Variants in S100A11 observed in about 807,000 individuals in gnomAD.
S100A11 encodes the protein S100 calcium binding protein A11.
Under a neutral mutation model 7.4 loss-of-function variants are expected in S100A11, and 5 were observed. That is an observed-to-expected ratio of 0.68 (90% CI 0.35 to 1.42). The LOEUF (loss-of-function observed/expected upper bound fraction) is 1.42, where lower values mean the gene tolerates loss of function less well. Among genes scored for constraint, S100A11 ranks in the 40% most tolerant of loss-of-function variants. S100A11 has a pLI of 0.04. For missense variants in S100A11, 96 were observed against 125.0 expected (o/e 0.77, Z 1.11); for synonymous variants, 47 against 46.6 (o/e 1.01, Z -0.04).
intron 1 of S100A11, among the ~76,000 whole-genome samples, chr1:152,036,313 G>A (rs1161598298): frequency 2.0e-5 from 3 of 152,198 alleles, no homozygotes; most frequent in Non-Finnish European, 2.9e-5. Context: ...AAAAGGAAGA[G>A]GAAGGAGGAG....
Position 152,033,476 on chromosome 1 carries a change from A to G in S100A11, c.156+172T>C, listed in dbSNP as rs529648791. Among the ~76,000 whole-genome samples, 9 of 152,336 alleles carry G rather than the reference A, an allele frequency of 5.9e-5. No homozygotes were observed. The highest frequency in any genetic ancestry group is 2.2e-4 in the African/African-American group (9 of 41,572). On this transcript the variant is annotated intron_variant, in intron 2 of 2. Coordinates refer to ENST00000271638, the MANE Select transcript of S100A11 (RefSeq NM_005620.2). This position sits in a 1 kb window ranked among gnomAD's most constrained non-coding sequence, Gnocchi z 4.0. ...TGAAAATAATTCCATTACGTCATATACCATTTCATATATCTCTCTTCCTAA... is the reference window on the plus strand; with the variant it reads ...TGAAAATAATTCCATTACGTCATATGCCATTTCATATATCTCTCTTCCTAA...
In S100A11 at chr1:152,033,552, G is replaced by C. The variant is rs1355384483; in HGVS notation, c.156+96C>G. 2 of 1,111,442 alleles carry C rather than the reference G, an allele frequency of 1.8e-6. No individual in the cohort carries two copies. The highest frequency in any genetic ancestry group is 2.7e-6 in the Non-Finnish European group (2 of 740,588). The allele number at this position is 1,111,442 out of a possible 1,614,324, so 68.8% of individuals were successfully genotyped here. A position where few individuals can be genotyped will look rare whatever the true frequency, so the allele number is the denominator to read the frequency against. ...AGTTAAAATGAAGCAAGAGTGTGGG[G>C]TGTCAGTTGCTGCTCCTTCATTCCT... On this transcript the variant is annotated intron_variant, in intron 2 of 2. Coordinates refer to ENST00000271638, the MANE Select transcript of S100A11 (RefSeq NM_005620.2). This position sits in a 1 kb window ranked among gnomAD's most constrained non-coding sequence, Gnocchi z 4.0.
At position 152,033,864 on chromosome 1, in the gene S100A11, A is replaced by G. The variant is rs1656785138; in HGVS notation, c.4-64T>C. On this transcript the variant is annotated intron_variant, in intron 1 of 2. Transcript: ENST00000271638. This position sits in a 1 kb window ranked among gnomAD's most constrained non-coding sequence, Gnocchi z 4.0. ...GATGTCAAGGCTGGATACTGGAGAAAACTCCAGGGACTCTTATTTCAGGTC... is the reference window on the plus strand; with the variant it reads ...GATGTCAAGGCTGGATACTGGAGAAGACTCCAGGGACTCTTATTTCAGGTC... 2.1e-6 allele frequency: 3 copies of G among 1,406,974 alleles called. No homozygotes were observed. Among genetic ancestry groups the G allele is most frequent in the Non-Finnish European group, 3.0e-6 (3 of 996,022 alleles). 87.2% of individuals were successfully genotyped at this position (1,406,974 alleles called of 1,614,324 possible).
chr1:152,032,838 A>C lies in S100A11; in HGVS notation c.157-15T>G. 2 of 1,586,602 alleles carry C rather than the reference A, an allele frequency of 1.3e-6. No individual in the cohort carries two copies. The highest frequency in any genetic ancestry group is 8.6e-7 in the Non-Finnish European group (1 of 1,161,876). On this transcript the variant is annotated splice_polypyrimidine_tract_variant and intron_variant, in intron 2 of 2. Transcript: ENST00000271638. Reference sequence around the variant, plus strand: ...TCCTTCTGGTTCTGCAGAGAAAATAATAATTACACCTTTATATCGCATCTT... The same window carrying C: ...TCCTTCTGGTTCTGCAGAGAAAATACTAATTACACCTTTATATCGCATCTT...
rs190618488 is a variant in S100A11, at chr1:152,032,508, C to G, written c.*154G>C. 3 of 584,092 alleles carry G rather than the reference C, an allele frequency of 5.1e-6. No individual in the cohort carries two copies. The highest frequency in any genetic ancestry group is 5.5e-5 in the East Asian group (2 of 36,588). 36.2% of individuals were successfully genotyped at this position (584,092 alleles called of 1,614,324 possible). Reference sequence around the variant, plus strand: ...GCACAAATTCACCAACTCTCTAGTTCATGTTTTAAAAAAGTGACATTGCTT... The same window carrying G: ...GCACAAATTCACCAACTCTCTAGTTGATGTTTTAAAAAAGTGACATTGCTT... On this transcript the variant is annotated 3_prime_UTR_variant, in exon 3 of 3. Transcript: ENST00000271638.
At position 152,033,543 on chromosome 1, in the gene S100A11, G is replaced by C; in HGVS notation, c.156+105C>G. On this transcript the variant is annotated intron_variant, in intron 2 of 2. Coordinates refer to ENST00000271638, the MANE Select transcript of S100A11 (RefSeq NM_005620.2). This position sits in a 1 kb window ranked among gnomAD's most constrained non-coding sequence, Gnocchi z 4.0. ...CTTAGAGTGAGTTAAAATGAAGCAA[G>C]AGTGTGGGGTGTCAGTTGCTGCTCC... The C allele has an allele frequency of 9.7e-7, 1 of 1,026,124 alleles. No homozygotes were observed. Among genetic ancestry groups the C allele is most frequent in the Non-Finnish European group, 1.5e-6 (1 of 669,860 alleles). 63.6% of individuals were successfully genotyped at this position (1,026,124 alleles called of 1,614,324 possible). A position where few individuals can be genotyped will look rare whatever the true frequency, so the allele number is the denominator to read the frequency against.
At chr1:152,036,784 G>C in intron 1 of S100A11, 129 bp downstream of exon 1, 3 of 844,316 alleles carry the variant, frequency 3.6e-6, no homozygotes, top group Non-Finnish European at 5.8e-6. Context: ...CCACGAGGCT[G>C]ATTTTTCCTG....
intron 1 of S100A11, among the ~76,000 whole-genome samples, chr1:152,036,418 T>C (rs1180847949): frequency 6.6e-6 from 1 of 152,194 alleles, no homozygotes; most frequent in Non-Finnish European, 1.5e-5. Flanking sequence ...GTCTTGGCCG[T>C]CTGCCGGGTG....
chr1:152,035,105 T>G (rs1656807954), intron 1 of S100A11, among the ~76,000 whole-genome samples: 1 of 152,202 alleles, frequency 6.6e-6, no homozygotes, highest in African/African-American at 2.4e-5. Flanking sequence ...TGTTGGAGGA[T>G]GATTGTTTTT....
chr1:152,033,894 C>A lies in S100A11; in HGVS notation c.4-94G>T. 1 of 1,146,018 alleles carries A rather than the reference C, an allele frequency of 8.7e-7. No homozygotes were observed. The highest frequency in any genetic ancestry group is 1.3e-6 in the Non-Finnish European group (1 of 777,466). The allele number at this position is 1,146,018 out of a possible 1,614,324, so 71.0% of individuals were successfully genotyped here. On this transcript the variant is annotated intron_variant, in intron 1 of 2. Coordinates refer to ENST00000271638, the MANE Select transcript of S100A11 (RefSeq NM_005620.2). The surrounding 1 kb of genome is among the most constrained non-coding windows in gnomAD (Gnocchi z 4.0). ...CAGGGACTCTTATTTCAGGTCAAAG[C>A]AGTTTCCTAAAAGACTGAGTCATTT...
chr1:152,032,589 G>A lies in S100A11; in HGVS notation c.*73C>T, dbSNP rs1373847499. ...GGTGGTTAGTGTGCTCAGGGGATGG[G>A]TGGGCTGTGGAGATGATGACAGAAA... On this transcript the variant is annotated 3_prime_UTR_variant, in exon 3 of 3. Transcript: ENST00000271638. 45 of 1,406,156 alleles carry A rather than the reference G, an allele frequency of 3.2e-5. No individual in the cohort carries two copies. The highest frequency in any genetic ancestry group is 4.3e-5 in the Non-Finnish European group (44 of 1,013,506). 87.1% of individuals were successfully genotyped at this position (1,406,156 alleles called of 1,614,324 possible). A position where few individuals can be genotyped will look rare whatever the true frequency, so the allele number is the denominator to read the frequency against.
In S100A11 at chr1:152,033,252, T is replaced by TATTTAC. The variant is rs544211604; in HGVS notation, c.156+390_156+395dup. On this transcript the variant is annotated intron_variant, in intron 2 of 2. Coordinates refer to ENST00000271638, the MANE Select transcript of S100A11 (RefSeq NM_005620.2). The surrounding 1 kb of genome is among the most constrained non-coding windows in gnomAD (Gnocchi z 4.0). ...CTTAGAGCCACTGGTTACAAATGGCTATTTACATTTACATTTACATTAACT... is the reference window on the plus strand; with the variant it reads ...CTTAGAGCCACTGGTTACAAATGGCTATTTACATTTACATTTACATTTACATTAACT... Among the ~76,000 whole-genome samples the TATTTAC allele has an allele frequency of 2.6e-5, 4 of 152,236 alleles. No homozygotes were observed. The highest frequency in any genetic ancestry group is 2.1e-4 in the South Asian group (1 of 4,834).
Position 152,032,760 on chromosome 1 carries a change from G to C in S100A11, c.220C>G (p.Gln74Glu). The part of the protein sequence containing the change: ...MKKLDTNSDG[Q>E]LDFSEFLNLI... ...TTAAGAAATTCTGAGAAATCTAGCT[G>C]ACCATCACTGTTGGTGTCCAGTTTC... is the stretch of plus-strand genomic sequence containing the variant. Residue 74 changes from glutamine (Q) to glutamate (E), a missense_variant, in exon 3 of 3, where the codon CAG becomes GAG. Gln to Glu is a conservative substitution (Grantham distance 29). Coordinates refer to ENST00000271638, the MANE Select transcript of S100A11 (RefSeq NM_005620.2). The C allele has an allele frequency of 2.5e-6, 4 of 1,613,920 alleles. No individual in the cohort carries two copies. The highest frequency in any genetic ancestry group is 2.5e-6 in the Non-Finnish European group (3 of 1,179,772).
chr1:152,036,746 C>G (rs1322513955), intron 1 of S100A11, among the ~76,000 whole-genome samples, 167 bp downstream of exon 1: 4 of 152,226 alleles, frequency 2.6e-5, no homozygotes, highest in African/African-American at 9.6e-5. Flanking sequence ...GGGCTTCATC[C>G]TTCCATCCCT....
chr1:152,032,847 C>T, intron 2 of S100A11, 24 bp from the exon 3 acceptor site: 1 of 1,560,080 alleles, frequency 6.4e-7, no homozygotes, highest in Non-Finnish European at 8.8e-7. Flanking sequence ...AATAATTACA[C>T]CTTTATATCG....
chr1:152,032,872 C>T, intron 2 of S100A11, 49 bp from the exon 3 acceptor site: 1 of 1,376,764 alleles, frequency 7.3e-7, no homozygotes, highest in Non-Finnish European at 1.0e-6. Context: ...TTCTAATGTG[C>T]TTTCAAATAT....
chr1:152,036,617 C>A (rs1656838929), intron 1 of S100A11, among the ~76,000 whole-genome samples: 1 of 151,676 alleles, frequency 6.6e-6, no homozygotes, highest in African/African-American at 2.4e-5. Flanking sequence ...ACGACGGGTC[C>A]CCCCCCCGCG....
intron 1 of S100A11, among the ~76,000 whole-genome samples, chr1:152,036,623 C>G (rs891084387): frequency 6.6e-6 from 1 of 152,066 alleles, no homozygotes; most frequent in African/African-American, 2.4e-5. Context: ...GGTCCCCCCC[C>G]CGCGCGGTGA....
chr1:152,032,966 T>A, intron 2 of S100A11, 143 bp from the exon 3 acceptor site: 1 of 719,464 alleles, frequency 1.4e-6, no homozygotes, highest in Non-Finnish European at 2.2e-6. Context: ...AGAAACAGAC[T>A]AAAAGAGGTG....
Sources: allele counts gnomAD v4.1 joint callset (sites outside exome capture counted in the v4.1 genomes callset), GRCh38; gene constraint gnomAD v4.1.1; non-coding constraint Gnocchi (gnomAD v3.1); transcripts MANE v1.5; gene names NCBI Gene and HGNC (gene_info 2026-07-23, HGNC 2026-07-21).